Variants in FAM193A observed in about 807,000 individuals in gnomAD.
FAM193A encodes protein FAM193A.
A neutral mutation model predicts 126.5 loss-of-function variants in FAM193A; 22 were observed. The ratio of observed to expected loss-of-function variants is 0.17; its 90% CI spans 0.12 to 0.25. The LOEUF is 0.25. Ranked by LOEUF, FAM193A falls within the 10% of genes least tolerant of loss-of-function variation. FAM193A has a pLI of 1.00. For missense variants in FAM193A, 1,675 were observed against 1,672.8 expected, an observed-to-expected ratio of 1.00 and a Z score of -0.02; for synonymous variants, 761 against 646.8, an observed-to-expected ratio of 1.18 and a Z score of -2.68.
intron 7 of FAM193A, 100 bp from the exon 8 acceptor site, chr4:2,657,703 T>G: frequency 1.4e-6 from 1 of 718,176 alleles, no homozygotes; most frequent in South Asian, 1.7e-5. Flanking sequence ...TTCTCTCATA[T>G]ATATCATTTT....
chr4:2,535,896 C>G (rs1736847830), upstream of FAM193A, among the ~76,000 whole-genome samples: 1 of 152,176 alleles, frequency 6.6e-6, no homozygotes, highest in African/African-American at 2.4e-5. Flanking sequence ...GCCCCAGGCC[C>G]GGTCCAAGAT....
Position 2,731,792 on chromosome 4 carries a change from C to T in FAM193A, c.4472C>T (p.Ala1491Val). The T allele has an allele frequency of 1.2e-6, 2 of 1,614,000 alleles. No individual in the cohort carries two copies. Among genetic ancestry groups the T allele is most frequent in the Non-Finnish European group, 1.7e-6 (2 of 1,179,906 alleles). The change falls in exon 21 of 21, where the codon GCT (alanine) becomes GTT (valine). Residue 1491 changes from alanine to valine, a missense_variant. Physicochemically the swap from Ala to Val is moderately conservative, Grantham distance 64. This residue lies in a region of FAM193A where 20 missense variants were observed against 52.2 expected (regional missense o/e 0.38). Transcript: ENST00000637812. ...EYFKRFCLDS[A>V]RQTRQRLSIN... ...CTTTGCAGGTTCTGCTTGGATTCTG[C>T]TAGACAGACCCGACAAAGACTGTCT...
At chr4:2,719,946 T>C in intron 20 of FAM193A, 2 of 309,992 alleles carry the variant, frequency 6.5e-6, no homozygotes, top group African/African-American at 2.3e-5. Context: ...ACATGCACCA[T>C]GCCTGGCTAA....
chr4:2,553,569 T>A (rs1283504396), intron 1 of FAM193A, among the ~76,000 whole-genome samples: 1 of 151,948 alleles, frequency 6.6e-6, no homozygotes, highest in Non-Finnish European at 1.5e-5. Context: ...TTAGTAGAGA[T>A]GGGGTTTCCC....
At chr4:2,611,743 G>A (rs1410937222) in intron 2 of FAM193A, among the ~76,000 whole-genome samples, 5 of 152,062 alleles carry the variant, frequency 3.3e-5, no homozygotes, top group Non-Finnish European at 7.4e-5. Context: ...TTATTAGACA[G>A]GCTTCACAAA....
intron 2 of FAM193A, among the ~76,000 whole-genome samples, chr4:2,597,090 G>A (rs1338155982): frequency 2.0e-5 from 3 of 152,138 alleles, no homozygotes; most frequent in African/African-American, 7.2e-5. Context: ...ACTGCCTGGT[G>A]TGGGTTTCCA....
chr4:2,673,841 C>T (rs1714095845), intron 13 of FAM193A, among the ~76,000 whole-genome samples: 1 of 151,998 alleles, frequency 6.6e-6, no homozygotes, highest in Non-Finnish European at 1.5e-5. Context: ...CTGTGGGGCC[C>T]CTTTGGTTAA....
chr4:2,578,848 C>A (rs779219976), intron 1 of FAM193A, among the ~76,000 whole-genome samples: 12 of 152,030 alleles, frequency 7.9e-5, no homozygotes, highest in Non-Finnish European at 1.8e-4. Flanking sequence ...TCCTCATTCT[C>A]TTTACATTGG....
intron 2 of FAM193A, among the ~76,000 whole-genome samples, chr4:2,599,850 C>G (rs1295732365): frequency 6.6e-6 from 1 of 151,984 alleles, no homozygotes; most frequent in Non-Finnish European, 1.5e-5. Context: ...ACTATCGTGC[C>G]TCAGCCTCCC....
At chr4:2,705,855 T>G (rs1208100235) in intron 19 of FAM193A, among the ~76,000 whole-genome samples, 1 of 152,126 alleles carries the variant, frequency 6.6e-6, no homozygotes, top group Non-Finnish European at 1.5e-5. Flanking sequence ...CCCACAGTGC[T>G]GGGATCACAG....
chr4:2,623,899 G>A (rs1742711554), intron 2 of FAM193A, among the ~76,000 whole-genome samples: 1 of 152,112 alleles, frequency 6.6e-6, no homozygotes, highest in Non-Finnish European at 1.5e-5. Context: ...TCAGGGGGAT[G>A]CAATGATTAT....
intron 7 of FAM193A, among the ~76,000 whole-genome samples, chr4:2,650,345 G>A (rs946563491): frequency 6.6e-6 from 1 of 152,190 alleles, no homozygotes; most frequent in Admixed American, 6.5e-5. Flanking sequence ...GAGCACAGAA[G>A]GAGGGAGGAG....
chr4:2,601,715 T>A (rs181291441), intron 2 of FAM193A, among the ~76,000 whole-genome samples: 423 of 151,598 alleles, frequency 2.8e-3, no homozygotes, highest in African/African-American at 7.8e-3. Flanking sequence ...ATAGAAAGAC[T>A]CTGTCTCTAT....
chr4:2,705,755 A>AT (rs201864770), intron 19 of FAM193A, among the ~76,000 whole-genome samples: 58 of 147,898 alleles, frequency 3.9e-4, no homozygotes, highest in Non-Finnish European at 4.3e-4. Context: ...ATGCTGGCTA[A>AT]TTTTTTTTTT....
rs2108815224 is a variant in FAM193A, at chr4:2,548,853, A to G, written c.255+11683A>G. Among the ~76,000 whole-genome samples the G allele has an allele frequency of 1.3e-5, 2 of 151,854 alleles. 1 individual carries two copies. The highest frequency in any genetic ancestry group is 6.8e-3 in the Middle Eastern group (2 of 294). On this transcript the variant is annotated intron_variant, in intron 1 of 20. Transcript: ENST00000637812. ...TCATGGTTTTGGTGTCATTTCTAACATCTCTGTTTTAGCTCAAGGTTATGA... is the reference window on the plus strand; with the variant it reads ...TCATGGTTTTGGTGTCATTTCTAACGTCTCTGTTTTAGCTCAAGGTTATGA...
At chr4:2,565,921 A>G (rs1738913644) in intron 1 of FAM193A, among the ~76,000 whole-genome samples, 1 of 152,236 alleles carries the variant, frequency 6.6e-6, no homozygotes, top group Admixed American at 6.5e-5. Context: ...GTCTAAATTT[A>G]CAAACCTTTG....
In FAM193A at chr4:2,684,142, T is replaced by C. The variant is rs753098961; in HGVS notation, c.2332-5364T>C. On this transcript the variant is annotated intron_variant, in intron 13 of 20. Coordinates refer to ENST00000637812, the MANE Select transcript of FAM193A (RefSeq NM_001366318.2). ...ATTGCCATCCATGTTATCTCCATGT[T>C]CCTGCAACCATTCAGTTGTCTCTCT... 4.6e-5 allele frequency among the ~76,000 whole-genome samples: 7 copies of C among 152,358 alleles called. No individual in the cohort carries two copies. The Middle Eastern group carries it at 0.01, about 222-fold the overall frequency.
intron 13 of FAM193A, among the ~76,000 whole-genome samples, chr4:2,677,409 T>C (rs2109190758): frequency 7.0e-6 from 1 of 143,230 alleles, no homozygotes; most frequent in Middle Eastern, 3.5e-3. Flanking sequence ...TTTTGTTGTT[T>C]TGTTTTGTTT....
intron 1 of FAM193A, among the ~76,000 whole-genome samples, chr4:2,549,731 T>A (rs948184084): frequency 6.6e-6 from 1 of 150,884 alleles, no homozygotes; most frequent in Non-Finnish European, 1.5e-5. Context: ...ATAGTTTTAC[T>A]TTTTTGTTTT....
Sources: allele counts gnomAD v4.1 joint callset (sites outside exome capture counted in the v4.1 genomes callset), GRCh38; gene constraint gnomAD v4.1.1; regional missense constraint gnomAD v4.1.1; transcripts MANE v1.5; gene names NCBI Gene and HGNC (gene_info 2026-07-23, HGNC 2026-07-21).